Variants in HNRNPM observed in about 807,000 individuals in gnomAD.
HNRNPM encodes the protein CEA receptor.
Under a neutral mutation model 73.1 loss-of-function variants are expected in HNRNPM, and 11 were observed. The observed-to-expected ratio is 0.15, with a 90% confidence interval of 0.09 to 0.25. The LOEUF (loss-of-function observed/expected upper bound fraction) is 0.25. Ranked by LOEUF, HNRNPM falls within the 10% of genes least tolerant of loss-of-function variation. HNRNPM has a pLI of 1.00. For missense variants in HNRNPM, 789 were observed against 1,067.9 expected (o/e 0.74, Z 3.64); for synonymous variants, 407 against 355.2 (o/e 1.15, Z -1.64).
intron 1 of HNRNPM, among the ~76,000 whole-genome samples, chr19:8,451,249 G>A (rs918013419): frequency 1.3e-5 from 2 of 151,810 alleles, no homozygotes; most frequent in African/African-American, 4.8e-5. Flanking sequence ...CACCATGTTG[G>A]CCAGGCTGGT....
Position 8,465,481 on chromosome 19 carries a change from C to G in HNRNPM, c.596C>G (p.Ala199Gly), listed in dbSNP as rs1411752776. 1.2e-6 allele frequency: 2 copies of G among 1,612,356 alleles called. No individual in the cohort carries two copies. Among genetic ancestry groups the G allele is most frequent in the East Asian group, 2.2e-5 (1 of 44,784 alleles). ...IPNEIIHALQ[A>G]GRLGSTVFVA... ...AATGAGATTATCCATGCATTACAGG[C>G]TGGAAGACTTGGAAGCACAGTATTT... Residue 199 changes from alanine (A) to glycine (G), a missense_variant, in exon 6 of 16, where the codon GCT becomes GGT. Physicochemically the swap from Ala to Gly is moderately conservative, Grantham distance 60. Transcript: ENST00000325495.
intron 9 of HNRNPM, 81 bp from the exon 10 acceptor site, chr19:8,471,245 A>G (rs1599807517): frequency 1.3e-6 from 1 of 797,104 alleles, no homozygotes; most frequent in East Asian, 2.9e-5. Context: ...GATAGCTGCA[A>G]CTCACTAAAC....
At chr19:8,483,131 AT>A (rs755800334) in intron 12 of HNRNPM, 26 bp from the exon 13 acceptor site, 97 of 1,521,906 alleles carry the variant, frequency 6.4e-5, no homozygotes, top group South Asian at 1.5e-4. Flanking sequence ...AATTTGGCTA[AT>A]TTTTTTTTCT....
intron 10 of HNRNPM, among the ~76,000 whole-genome samples, chr19:8,472,474 A>C (rs1465403374): frequency 6.6e-6 from 1 of 152,154 alleles, no homozygotes; most frequent in African/African-American, 2.4e-5. Flanking sequence ...CCCGACCCAA[A>C]ACACACACAC....
chr19:8,483,041 T>A, intron 12 of HNRNPM, 117 bp from the exon 13 acceptor site: 1 of 673,284 alleles, frequency 1.5e-6, no homozygotes, highest in Non-Finnish European at 2.6e-6. Flanking sequence ...CTCAAACCCC[T>A]TTCCCTTTAT....
intron 1 of HNRNPM, among the ~76,000 whole-genome samples, chr19:8,451,784 A>T (rs773179014): frequency 1.3e-5 from 2 of 152,090 alleles, no homozygotes; most frequent in Non-Finnish European, 2.9e-5. Context: ...AGCTCACCTC[A>T]GCCTCCCAAA....
Position 8,455,429 on chromosome 19 carries a change from T to C in HNRNPM, c.138T>C (p.Asn46=), listed in dbSNP as rs1224619129. Residue 46 remains asparagine, a synonymous_variant, in exon 2 of 16, where the codon AAT becomes AAC. Coordinates refer to ENST00000325495, the MANE Select transcript of HNRNPM (RefSeq NM_005968.5). ...GTGAAGGAGAACGACCTGCTCAGAA[T>C]GAGAAGAGGAAGGAGAAAAACATAA... The part of the protein sequence containing the change: ...PKGEGERPAQ[N]EKRKEKNIKR... The C allele has an allele frequency of 7.4e-6, 12 of 1,613,980 alleles. No individual in the cohort carries two copies. The highest frequency in any genetic ancestry group is 1.0e-5 in the Non-Finnish European group (12 of 1,179,958).
rs1001048716 is a variant in HNRNPM, at chr19:8,468,660, C to T, written c.835-114C>T. On this transcript the variant is annotated intron_variant, in intron 8 of 15. Coordinates refer to ENST00000325495, the MANE Select transcript of HNRNPM (RefSeq NM_005968.5). ...TCTACCCTTGCGTATTACTCCATGGCGTGGATAATGTGTTTAGCTGGTCCT... is the reference window on the plus strand; with the variant it reads ...TCTACCCTTGCGTATTACTCCATGGTGTGGATAATGTGTTTAGCTGGTCCT... 3 of 753,566 alleles carry T rather than the reference C, an allele frequency of 4.0e-6. No homozygotes were observed. In the South Asian group the frequency reaches 4.4e-5, roughly 11 times the overall value. The allele number at this position is 753,566 out of a possible 1,614,324, so 46.7% of individuals were successfully genotyped here. A position where few individuals can be genotyped will look rare whatever the true frequency, so the allele number is the denominator to read the frequency against.
At chr19:8,455,910 G>A (rs1013733794) in intron 2 of HNRNPM, among the ~76,000 whole-genome samples, 2 of 148,100 alleles carry the variant, frequency 1.4e-5, no homozygotes, top group African/African-American at 4.9e-5. Flanking sequence ...TTTGAATTTT[G>A]CACGTTAGGT....
intron 1 of HNRNPM, among the ~76,000 whole-genome samples, chr19:8,449,964 T>C (rs1023487839): frequency 2.0e-5 from 3 of 152,212 alleles, no homozygotes; most frequent in African/African-American, 7.2e-5. Flanking sequence ...GCTTTTTGTT[T>C]TGCCATTCTT....
intron 1 of HNRNPM, among the ~76,000 whole-genome samples, chr19:8,450,744 G>T (rs148958863): frequency 0.018 from 1,951 of 111,042 alleles, 34 homozygotes; most frequent in African/African-American, 0.053. Context: ...TTTTTTTTGA[G>T]ATGGAGTTTT....
intron 2 of HNRNPM, among the ~76,000 whole-genome samples, chr19:8,461,369 T>C (rs1031499326): frequency 6.6e-6 from 1 of 152,244 alleles, no homozygotes; most frequent in African/African-American, 2.4e-5. Context: ...GCATGACTTG[T>C]TGAGGCCGTT....
In HNRNPM at chr19:8,445,090, A is replaced by G. The variant is rs771392835; in HGVS notation, c.92A>G (p.Asn31Ser). Reference protein sequence around the residue: ...ESGAPGVPSGNGAPGPKGEGE... With the variant: ...ESGAPGVPSGSGAPGPKGEGE... ...GGCGCGCCCGGCGTGCCGAGCGGCA[A>G]CGGGGCTCCGGGCCCTAAGGGGTGA... Residue 31 changes from asparagine to serine, a missense_variant, in exon 1 of 16, where the codon AAC becomes AGC. By Grantham distance (46) the Asn-to-Ser change is conservative (BLOSUM62 1). Transcript: ENST00000325495. 4.9e-6 allele frequency: 7 copies of G among 1,422,848 alleles called. No homozygotes were observed. The African/African-American group carries it at 6.0e-5, about 12-fold the overall frequency. The allele number at this position is 1,422,848 out of a possible 1,614,324, so 88.1% of individuals were successfully genotyped here. A position where few individuals can be genotyped will look rare whatever the true frequency, so the allele number is the denominator to read the frequency against.
At chr19:8,470,050 G>C (rs1405316907) in intron 9 of HNRNPM, among the ~76,000 whole-genome samples, 1 of 152,214 alleles carries the variant, frequency 6.6e-6, no homozygotes, top group African/African-American at 2.4e-5. Flanking sequence ...GGTCACCCTG[G>C]ACCATGGCGA....
At chr19:8,472,675 T>C (rs1275903622) in intron 10 of HNRNPM, among the ~76,000 whole-genome samples, 1 of 152,182 alleles carries the variant, frequency 6.6e-6, no homozygotes, top group Admixed American at 6.5e-5. Context: ...CTCTGCCTCC[T>C]GGGTTCAAGT....
chr19:8,488,297 A>G (rs992484367), intron 15 of HNRNPM: 3 of 158,764 alleles, frequency 1.9e-5, no homozygotes, highest in Non-Finnish European at 4.2e-5. Context: ...AATAAGTGAA[A>G]CCTGCTGGCT....
At chr19:8,470,865 C>A (rs1970079746) in intron 9 of HNRNPM, among the ~76,000 whole-genome samples, 1 of 152,144 alleles carries the variant, frequency 6.6e-6, no homozygotes, top group Admixed American at 6.5e-5. Context: ...TTCATTGTTA[C>A]TAAAACCACC....
chr19:8,484,559 C>T (rs1971140190), intron 13 of HNRNPM, among the ~76,000 whole-genome samples: 1 of 152,256 alleles, frequency 6.6e-6, no homozygotes, highest in Admixed American at 6.5e-5. Context: ...GACGTCTCCC[C>T]TCTGAAAGTC....
At chr19:8,466,133 A>G in intron 6 of HNRNPM, 102 bp from the exon 7 acceptor site, 1 of 1,149,856 alleles carries the variant, frequency 8.7e-7, no homozygotes, top group Non-Finnish European at 1.2e-6. Context: ...ATTATTTCCT[A>G]ATACTTTTTT....
Sources: gnomAD v4.1 joint callset for allele counts (sites outside exome capture counted in the v4.1 genomes callset) on GRCh38, gnomAD v4.1.1 for gene constraint, MANE v1.5 for transcripts, NCBI Gene and HGNC (gene_info 2026-07-23, HGNC 2026-07-21) for gene names.